The following GBE1 variants were observed in gnomAD, a reference collection of about 807,000 sequenced individuals.
GBE1 encodes 1,4-alpha-glucan-branching enzyme.
GBE1 carries 70 observed loss-of-function variants against 88.8 expected under a neutral mutation model. The ratio of observed to expected loss-of-function variants is 0.79; its 90% CI spans 0.65 to 0.96. GBE1 has a LOEUF of 0.96. GBE1 is among the 40% of genes least tolerant of loss of function. The pLI is 0.00. For missense variants in GBE1, 872 were observed against 871.0 expected, an observed-to-expected ratio of 1.00 and a Z score of -0.01; for synonymous variants, 284 against 300.1, an observed-to-expected ratio of 0.95 and a Z score of 0.56.
At chr3:81,750,640 T>C (rs1378953292) in intron 1 of GBE1, among the ~76,000 whole-genome samples, 1 of 54,824 alleles carries the variant, frequency 1.8e-5, no homozygotes, top group African/African-American at 1.2e-4. Context: ...CGTATATATA[T>C]ATATGTATAT....
At chr3:81,530,226 TC>T (rs1702994438) in intron 14 of GBE1, among the ~76,000 whole-genome samples, 1 of 151,998 alleles carries the variant, frequency 6.6e-6, no homozygotes, top group African/African-American at 2.4e-5. Flanking sequence ...AAATTCCTTC[TC>T]TGTTAAATTG....
chr3:81,681,038 T>G (rs1705333226), intron 2 of GBE1, among the ~76,000 whole-genome samples: 1 of 152,252 alleles, frequency 6.6e-6, no homozygotes, highest in African/African-American at 2.4e-5. Flanking sequence ...AACCTGACTA[T>G]CCTTTCATTT....
chr3:81,596,550 T>C (rs1703959373), intron 7 of GBE1, among the ~76,000 whole-genome samples: 1 of 151,956 alleles, frequency 6.6e-6, no homozygotes, highest in African/African-American at 2.4e-5. Flanking sequence ...AAAAAATGAA[T>C]TGTCAGTTTC....
At position 81,594,088 on chromosome 3, in the gene GBE1, A is replaced by G. The variant is rs935082540; in HGVS notation, c.993-65T>C. 4 of 684,006 alleles carry G rather than the reference A, an allele frequency of 5.8e-6. No individual in the cohort carries two copies. The African/African-American group carries it at 7.4e-5, about 13-fold the overall frequency. 42.4% of individuals were successfully genotyped at this position (684,006 alleles called of 1,614,324 possible). A position where few individuals can be genotyped will look rare whatever the true frequency, so the allele number is the denominator to read the frequency against. The stretch of plus-strand genomic sequence containing the variant: ...AGAGCATTTTCCTTAACTGTTATAA[A>G]TGTTTGCTATTAACTAAAATTATAG... On this transcript the variant is annotated intron_variant, in intron 7 of 15. Coordinates refer to ENST00000429644, the MANE Select transcript of GBE1 (RefSeq NM_000158.4).
intron 2 of GBE1, among the ~76,000 whole-genome samples, chr3:81,696,107 G>A (rs950977748): frequency 2.0e-5 from 3 of 152,056 alleles, no homozygotes; most frequent in African/African-American, 7.2e-5. Flanking sequence ...GTTCAACAGG[G>A]GTTGAAAATA....
intron 3 of GBE1, among the ~76,000 whole-genome samples, chr3:81,668,264 C>T (rs890693916): frequency 6.6e-5 from 10 of 152,072 alleles, no homozygotes; most frequent in Non-Finnish European, 5.9e-5. Context: ...GTAGGTACAG[C>T]AAACCACCAT....
intron 7 of GBE1, among the ~76,000 whole-genome samples, chr3:81,628,762 TA>T (rs1704457520): frequency 8.1e-6 from 1 of 123,902 alleles, no homozygotes; most frequent in African/African-American, 3.1e-5. Context: ...TATATATATA[TA>T]TATATATATA....
chr3:81,564,067 C>T (rs1049041164), intron 12 of GBE1, among the ~76,000 whole-genome samples: 1 of 151,992 alleles, frequency 6.6e-6, no homozygotes, highest in African/African-American at 2.4e-5. Context: ...GAGATGTGGC[C>T]TCTGGGAGGT....
intron 7 of GBE1, 133 bp from the exon 8 acceptor site, chr3:81,594,156 T>C (rs181072781): frequency 7.4e-5 from 34 of 461,548 alleles, no homozygotes; most frequent in Non-Finnish European, 1.1e-4. Context: ...ACATAACATA[T>C]ATAAAAGTCA....
intron 12 of GBE1, among the ~76,000 whole-genome samples, chr3:81,573,773 C>CTGTGTGTGTGTGTG (rs201683183): frequency 8.5e-6 from 1 of 117,202 alleles, no homozygotes; most frequent in Non-Finnish European, 1.8e-5. Flanking sequence ...CTCTCTCTCT[C>CTGTGTGTGTGTGTG]TCTGTGTGTG....
At chr3:81,758,296 T>A (rs998453216) in intron 1 of GBE1, among the ~76,000 whole-genome samples, 1 of 152,242 alleles carries the variant, frequency 6.6e-6, no homozygotes, top group East Asian at 1.9e-4. Context: ...TAAAGTAGTA[T>A]TATTAAATTG....
At chr3:81,728,350 T>G (rs979478308) in intron 1 of GBE1, among the ~76,000 whole-genome samples, 1 of 152,152 alleles carries the variant, frequency 6.6e-6, no homozygotes, top group East Asian at 1.9e-4. Context: ...GGAGGAACTA[T>G]AATAATGCAA....
In GBE1 at chr3:81,525,242, G is replaced by C. The variant is rs890514444; in HGVS notation, c.1934+9953C>G. Among the ~76,000 whole-genome samples, 8 of 151,982 alleles carry C rather than the reference G, an allele frequency of 5.3e-5. No homozygotes were observed. In the South Asian group the frequency reaches 6.2e-4, roughly 12 times the overall value. On this transcript the variant is annotated intron_variant, in intron 14 of 15. Coordinates refer to ENST00000429644, the MANE Select transcript of GBE1 (RefSeq NM_000158.4). ...TTTATTGAGAGTTTGTAGCATGAAG[G>C]GCTGTTGAATTTTGTCAAAGGCCTT...
chr3:81,568,079 G>A (rs2106919348), intron 12 of GBE1, among the ~76,000 whole-genome samples: 1 of 152,250 alleles, frequency 6.6e-6, no homozygotes, highest in South Asian at 2.1e-4. Context: ...TCTTTAGAGA[G>A]TGTTTTTCTG....
intron 12 of GBE1, among the ~76,000 whole-genome samples, chr3:81,555,409 A>T (rs1043168505): frequency 6.6e-6 from 1 of 152,178 alleles, no homozygotes; most frequent in African/African-American, 2.4e-5. Flanking sequence ...TCTACAGGAG[A>T]CAAAGTTCTA....
chr3:81,526,539 C>T (rs1453042859), intron 14 of GBE1, among the ~76,000 whole-genome samples: 1 of 151,962 alleles, frequency 6.6e-6, no homozygotes, highest in African/African-American at 2.4e-5. Context: ...GATGCAAAAT[C>T]ATGTGCAAAA....
intron 14 of GBE1, among the ~76,000 whole-genome samples, chr3:81,507,494 G>A (rs1198271687): frequency 2.0e-5 from 3 of 152,150 alleles, no homozygotes. Flanking sequence ...AACCTGGGAG[G>A]TGGAGCTTGC....
At chr3:81,665,540 A>G (rs1705103397) in intron 3 of GBE1, among the ~76,000 whole-genome samples, 1 of 151,904 alleles carries the variant, frequency 6.6e-6, no homozygotes, top group Non-Finnish European at 1.5e-5. Context: ...CGTCTCAAAA[A>G]AAAAAAAAAA....
intron 7 of GBE1, among the ~76,000 whole-genome samples, chr3:81,637,643 T>C (rs1704609838): frequency 6.6e-6 from 1 of 152,120 alleles, no homozygotes; most frequent in Non-Finnish European, 1.5e-5. Flanking sequence ...CTCTTTGTAA[T>C]TCAATGACAA....
Sources: allele counts gnomAD v4.1 joint callset (sites outside exome capture counted in the v4.1 genomes callset), GRCh38; gene constraint gnomAD v4.1.1; transcripts MANE v1.5; gene names NCBI Gene and HGNC (gene_info 2026-07-23, HGNC 2026-07-21).